The following PDZRN4 variants were observed in gnomAD, a reference collection of about 807,000 sequenced individuals.
PDZRN4 encodes the protein PDZ domain-containing RING finger protein 4.
Under a neutral mutation model 99.0 loss-of-function variants are expected in PDZRN4, and 70 were observed. That is an observed-to-expected ratio of 0.71 (90% CI 0.58 to 0.86). PDZRN4 has a LOEUF of 0.86. PDZRN4 is among the 40% of genes least tolerant of loss of function. PDZRN4 has a pLI of 0.00. For missense variants in PDZRN4, 1,474 were observed against 1,331.2 expected (o/e 1.11, Z -1.67); for synonymous variants, 551 against 501.6 (o/e 1.10, Z -1.32).
At chr12:41,536,133 T>C (rs1938744877) in intron 5 of PDZRN4, among the ~76,000 whole-genome samples, 1 of 152,212 alleles carries the variant, frequency 6.6e-6, no homozygotes, top group South Asian at 2.1e-4. Flanking sequence ...TCAGTAAATA[T>C]GCTCAAGGTT....
At chr12:41,418,319 T>C (rs1592052096) in intron 3 of PDZRN4, among the ~76,000 whole-genome samples, 1 of 152,184 alleles carries the variant, frequency 6.6e-6, no homozygotes, top group African/African-American at 2.4e-5. Flanking sequence ...ATCATTGTTA[T>C]CAATTCTGCT....
chr12:41,563,611 A>G lies in PDZRN4; in HGVS notation c.1429A>G (p.Lys477Glu), dbSNP rs755567199. 3.7e-6 allele frequency: 6 copies of G among 1,613,516 alleles called. No individual in the cohort carries two copies. The highest frequency in any genetic ancestry group is 5.1e-6 in the Non-Finnish European group (6 of 1,179,570). Residue 477 changes from lysine (K) to glutamate (E), a missense_variant, in exon 8 of 10, where the codon AAG becomes GAG. Lys to Glu is a moderately conservative substitution (Grantham distance 56). Coordinates refer to ENST00000402685, the MANE Select transcript of PDZRN4 (RefSeq NM_001164595.2). ...GGCCTTGCTGTCTAACGATGAGTGT[A>G]AGAGAATCGTGCTGCTTGTTGCAAG... ...AVALLSNDEC[K>E]RIVLLVARPE...
chr12:41,435,705 T>C (rs1952623479), intron 3 of PDZRN4, among the ~76,000 whole-genome samples: 1 of 152,048 alleles, frequency 6.6e-6, no homozygotes, highest in Admixed American at 6.6e-5. Flanking sequence ...GAAGAATCGC[T>C]TGAACCTGGG....
At chr12:41,322,585 G>C in intron 3 of PDZRN4, among the ~76,000 whole-genome samples, 1 of 133,662 alleles carries the variant, frequency 7.5e-6, no homozygotes, top group Non-Finnish European at 1.5e-5. Context: ...CCGCCTCCCT[G>C]GTTCACGCCA....
intron 3 of PDZRN4, among the ~76,000 whole-genome samples, chr12:41,270,450 T>C (rs1023500175): frequency 9.2e-5 from 14 of 152,076 alleles, no homozygotes; most frequent in African/African-American, 3.4e-4. Context: ...TATCACTTAA[T>C]AGTAAGGGGA....
At chr12:41,288,411 TAGATAACA>T (rs1951434619) in intron 3 of PDZRN4, among the ~76,000 whole-genome samples, 1 of 152,170 alleles carries the variant, frequency 6.6e-6, no homozygotes, top group African/African-American at 2.4e-5. Flanking sequence ...GTGATATGGT[TAGATAACA>T]AGTGGCAGTA....
At chr12:41,362,076 G>A (rs912795500) in intron 3 of PDZRN4, among the ~76,000 whole-genome samples, 5 of 151,772 alleles carry the variant, frequency 3.3e-5, no homozygotes, top group Non-Finnish European at 7.4e-5. Flanking sequence ...TGAACCATAT[G>A]GCAAATAATT....
chr12:41,498,326 T>C (rs1295861037), intron 3 of PDZRN4, among the ~76,000 whole-genome samples: 1 of 152,126 alleles, frequency 6.6e-6, no homozygotes, highest in Admixed American at 6.6e-5. Context: ...ATGGAGGGAT[T>C]GTCATAGTTT....
At chr12:41,207,111 A>C (rs1012407572) in intron 3 of PDZRN4, among the ~76,000 whole-genome samples, 1 of 151,986 alleles carries the variant, frequency 6.6e-6, no homozygotes, top group African/African-American at 2.4e-5. Flanking sequence ...TCAAAGAAGA[A>C]AAATTCTTTG....
At chr12:41,463,917 G>A (rs1952897524) in intron 3 of PDZRN4, among the ~76,000 whole-genome samples, 1 of 152,118 alleles carries the variant, frequency 6.6e-6, no homozygotes, top group African/African-American at 2.4e-5. Context: ...CTAACAGAAG[G>A]CTCCAATCTG....
intron 3 of PDZRN4, among the ~76,000 whole-genome samples, chr12:41,226,356 T>A (rs1194198977): frequency 6.6e-6 from 1 of 152,052 alleles, no homozygotes; most frequent in African/African-American, 2.4e-5. Flanking sequence ...GTACCTAGAT[T>A]TTTTTTCCTA....
intron 3 of PDZRN4, among the ~76,000 whole-genome samples, chr12:41,218,690 A>G (rs1184649715): frequency 1.3e-5 from 2 of 152,154 alleles, no homozygotes; most frequent in African/African-American, 4.8e-5. Context: ...AAAAATCATT[A>G]ACTGCAACTC....
chr12:41,335,217 ACTATTTGC>A, intron 3 of PDZRN4, among the ~76,000 whole-genome samples: 1 of 151,932 alleles, frequency 6.6e-6, no homozygotes, highest in Non-Finnish European at 1.5e-5. Flanking sequence ...AATAATAATC[ACTATTTGC>A]CTATTTGCTA....
chr12:41,478,971 ATGAGT>A (rs1371855289), intron 3 of PDZRN4, among the ~76,000 whole-genome samples: 19 of 152,356 alleles, frequency 1.2e-4, no homozygotes, highest in African/African-American at 4.6e-4. Flanking sequence ...TTAGTTTTTC[ATGAGT>A]TGAGAAAATA....
intron 5 of PDZRN4, among the ~76,000 whole-genome samples, chr12:41,539,580 A>C (rs1224543950): frequency 6.6e-6 from 1 of 152,108 alleles, no homozygotes; most frequent in Non-Finnish European, 1.5e-5. Flanking sequence ...GCTTAGAAAC[A>C]TTGCAGGAAT....
chr12:41,247,504 AATGTTTT>A (rs1242586707), intron 3 of PDZRN4, among the ~76,000 whole-genome samples: 1 of 152,120 alleles, frequency 6.6e-6, no homozygotes, highest in African/African-American at 2.4e-5. Context: ...GTTCCTTTAA[AATGTTTT>A]ATGTGATGAA....
intron 3 of PDZRN4, among the ~76,000 whole-genome samples, chr12:41,211,632 G>T (rs914007520): frequency 1.3e-4 from 20 of 151,892 alleles, no homozygotes; most frequent in South Asian, 2.1e-4. Context: ...GGAAATTCAG[G>T]AAGAAGACCA....
At chr12:41,315,399 G>GC (rs1232106915) in intron 3 of PDZRN4, among the ~76,000 whole-genome samples, 1 of 151,934 alleles carries the variant, frequency 6.6e-6, no homozygotes, top group East Asian at 1.9e-4. Flanking sequence ...CACACCACTG[G>GC]CATTTGACCT....
chr12:41,350,389 T>C (rs1951881559), intron 3 of PDZRN4, among the ~76,000 whole-genome samples: 2 of 152,154 alleles, frequency 1.3e-5, no homozygotes, highest in African/African-American at 4.8e-5. Context: ...CTGTTTGTAA[T>C]TAATCTTGAT....
Sources: gnomAD v4.1 joint callset for allele counts (sites outside exome capture counted in the v4.1 genomes callset) on GRCh38, gnomAD v4.1.1 for gene constraint, MANE v1.5 for transcripts, NCBI Gene and HGNC (gene_info 2026-07-23, HGNC 2026-07-21) for gene names.